PTPRU: variants seen among roughly 807,000 people sequenced by gnomAD.
The protein encoded by PTPRU is receptor-type tyrosine-protein phosphatase U.
PTPRU carries 69 observed loss-of-function variants against 166.3 expected under a neutral mutation model. The ratio of observed to expected loss-of-function variants is 0.41; its 90% CI spans 0.34 to 0.51. PTPRU has a LOEUF of 0.51. Among genes scored for constraint, PTPRU ranks in the 20% least tolerant of loss-of-function variants. The pLI is 0.09. For missense variants in PTPRU, 1,657 were observed against 2,013.7 expected (o/e 0.82, Z 3.39); for synonymous variants, 793 against 814.0 (o/e 0.97, Z 0.44).
chr1:29,239,074 A>G (rs1199599867), intron 1 of PTPRU, among the ~76,000 whole-genome samples: 2 of 152,198 alleles, frequency 1.3e-5, no homozygotes, highest in African/African-American at 4.8e-5. Flanking sequence ...AAGCTGGGGT[A>G]TTAGGTGTCA....
chr1:29,290,458 T>A (rs531276492), intron 14 of PTPRU, among the ~76,000 whole-genome samples: 1 of 152,356 alleles, frequency 6.6e-6, no homozygotes, highest in South Asian at 2.1e-4. Context: ...CTGCCGATGC[T>A]ACTCTGTCTT....
At chr1:29,309,816 G>T (rs1461949325) in intron 18 of PTPRU, among the ~76,000 whole-genome samples, 1 of 152,230 alleles carries the variant, frequency 6.6e-6, no homozygotes, top group African/African-American at 2.4e-5. Flanking sequence ...TCACGAGACC[G>T]GAGGAGTTGC....
Position 29,258,572 on chromosome 1 carries a change from C to T in PTPRU, c.273C>T (p.Ser91=). The change falls in exon 3 of 30, where the codon AGC becomes AGT. Residue 91 remains serine (S), a synonymous_variant. Transcript: ENST00000373779. ...PGQRAHVIFQ[S]LSENDTHCVQ... is the part of the protein sequence containing the mutation. ...AGCGAGCCCATGTCATCTTCCAGAGCCTGAGCGAGAATGATACCCACTGTG... is the reference window on the plus strand; with the variant it reads ...AGCGAGCCCATGTCATCTTCCAGAGTCTGAGCGAGAATGATACCCACTGTG... 2.5e-6 allele frequency: 4 copies of T among 1,614,274 alleles called. No homozygotes were observed. The highest frequency in any genetic ancestry group is 3.4e-6 in the Non-Finnish European group (4 of 1,180,050).
chr1:29,287,020 G>C (rs534375971), intron 14 of PTPRU, among the ~76,000 whole-genome samples: 3 of 152,150 alleles, frequency 2.0e-5, no homozygotes, highest in Non-Finnish European at 4.4e-5. Flanking sequence ...GGATGCAGCA[G>C]CCCTGGCAGG....
chr1:29,324,195 C>A (rs568773761), intron 28 of PTPRU, among the ~76,000 whole-genome samples: 2 of 152,346 alleles, frequency 1.3e-5, no homozygotes, highest in South Asian at 4.1e-4. Context: ...CATCTGCATG[C>A]CCCATTCATA....
intron 2 of PTPRU, among the ~76,000 whole-genome samples, chr1:29,255,824 T>G (rs1684752577): frequency 6.6e-6 from 1 of 152,208 alleles, no homozygotes; most frequent in African/African-American, 2.4e-5. Context: ...GGACTAGATG[T>G]GTATAAAACC....
At chr1:29,242,338 C>T (rs4654397) in intron 1 of PTPRU, among the ~76,000 whole-genome samples, 101,878 of 151,962 alleles carry the variant, frequency 0.67, 36,069 homozygotes, top group Non-Finnish European at 0.79. Context: ...CTGGTAGCCC[C>T]TTCCCTGGGA....
At chr1:29,277,996 T>G (rs1685895302) in intron 8 of PTPRU, among the ~76,000 whole-genome samples, 1 of 151,778 alleles carries the variant, frequency 6.6e-6, no homozygotes, top group South Asian at 2.1e-4. Flanking sequence ...TTTTTGTATT[T>G]TTGGTAGAGA....
Position 29,315,633 on chromosome 1 carries a change from C to T in PTPRU, c.3363+126C>T. 1 of 1,397,708 alleles carries T rather than the reference C, an allele frequency of 7.2e-7. No homozygotes were observed. The highest frequency in any genetic ancestry group is 9.9e-7 in the Non-Finnish European group (1 of 1,012,676). The allele number at this position is 1,397,708 out of a possible 1,614,324, so 86.6% of individuals were successfully genotyped here. On this transcript the variant is annotated intron_variant, in intron 23 of 29. Transcript: ENST00000373779. The surrounding 1 kb of genome is among the most constrained non-coding windows in gnomAD (Gnocchi z 4.5). ...AGGCTCTTGCCTTCCCTCAGATCAT[C>T]CCTGACCTTGGGCCGCCAACTGCAT...
At chr1:29,272,621 T>C (rs1253647919) in intron 7 of PTPRU, among the ~76,000 whole-genome samples, 2 of 151,926 alleles carry the variant, frequency 1.3e-5, no homozygotes, top group Non-Finnish European at 1.5e-5. Context: ...AAAATGCCAC[T>C]AGGGGCTGGG....
chr1:29,292,753 C>T (rs1686697456), intron 15 of PTPRU, among the ~76,000 whole-genome samples: 1 of 151,926 alleles, frequency 6.6e-6, no homozygotes, highest in Non-Finnish European at 1.5e-5. Context: ...TATCTTGGTA[C>T]ACCTCCCTGG....
chr1:29,311,342 G>T lies in PTPRU; in HGVS notation c.2858-114G>T. Reference sequence around the variant, plus strand: ...GTGTTGTGGGCAGCATGAAGCCCCCGTTGGGGCTCAGGAGGCCTCCTGGCC... The same window carrying T: ...GTGTTGTGGGCAGCATGAAGCCCCCTTTGGGGCTCAGGAGGCCTCCTGGCC... On this transcript the variant is annotated intron_variant, in intron 19 of 29. Coordinates refer to ENST00000373779, the MANE Select transcript of PTPRU (RefSeq NM_133178.4). This position sits in a 1 kb window ranked among gnomAD's most constrained non-coding sequence, Gnocchi z 4.1. 3 of 968,304 alleles carry T rather than the reference G, an allele frequency of 3.1e-6. No individual in the cohort carries two copies. The highest frequency in any genetic ancestry group is 4.7e-6 in the Non-Finnish European group (3 of 638,148). The allele number at this position is 968,304 out of a possible 1,614,324, so 60.0% of individuals were successfully genotyped here. A position where few individuals can be genotyped will look rare whatever the true frequency, so the allele number is the denominator to read the frequency against.
chr1:29,278,179 G>A (rs1219881154), intron 8 of PTPRU, among the ~76,000 whole-genome samples: 1 of 152,026 alleles, frequency 6.6e-6, no homozygotes, highest in Non-Finnish European at 1.5e-5. Flanking sequence ...CCTTTCCCTG[G>A]GTTCCTACAG....
At chr1:29,268,294 G>T (rs551393294) in intron 7 of PTPRU, among the ~76,000 whole-genome samples, 1 of 152,308 alleles carries the variant, frequency 6.6e-6, no homozygotes, top group Admixed American at 6.5e-5. Flanking sequence ...CCCTGAGGTT[G>T]GATGAGATCT....
At position 29,303,873 on chromosome 1, in the gene PTPRU, G is replaced by A; in HGVS notation, c.2495G>A (p.Gly832Glu). ...YSTRGDQRSG[G>E]VTEASSLLGG... The stretch of plus-strand genomic sequence containing the variant: ...ACTGCAGGAGACCAGCGCAGCGGTG[G>A]GGTCACTGAGGCCAGCAGCCTCCTG... The change falls in exon 16 of 30, where the codon GGG becomes GAG. Residue 832 changes from glycine to glutamate, a missense_variant. This residue lies in a region of PTPRU where 1,190 missense variants were observed against 1,477.4 expected (regional missense o/e 0.81). Coordinates refer to ENST00000373779, the MANE Select transcript of PTPRU (RefSeq NM_133178.4). 1.2e-6 allele frequency: 2 copies of A among 1,611,444 alleles called. No homozygotes were observed. Among genetic ancestry groups the A allele is most frequent in the Admixed American group, 1.7e-5 (1 of 59,918 alleles).
intron 18 of PTPRU, 96 bp from the exon 19 acceptor site, chr1:29,310,648 T>G: frequency 2.3e-6 from 3 of 1,303,018 alleles, no homozygotes; most frequent in Non-Finnish European, 3.3e-6. Flanking sequence ...CCTGGTGGGG[T>G]AGGGGTTCTG....
In PTPRU at chr1:29,325,197, G is replaced by C. The variant is rs1688352111; in HGVS notation, c.4119G>C (p.Gly1373=). The part of the protein sequence containing the change: ...DGRTIVHCLN[G]GGRSGTFCAC... ...TTTTGCATCTCTCATTCAGAAACGG[G>C]GGAGGACGCAGCGGCACCTTCTGCG... Residue 1373 remains glycine, a synonymous_variant, in exon 29 of 30, where the codon GGG becomes GGC. Transcript: ENST00000373779. 6.2e-7 allele frequency: 1 copy of C among 1,614,244 alleles called. No individual in the cohort carries two copies. Among genetic ancestry groups the C allele is most frequent in the Non-Finnish European group, 8.5e-7 (1 of 1,180,048 alleles).
chr1:29,296,911 A>G (rs1030295291), intron 15 of PTPRU, among the ~76,000 whole-genome samples: 3 of 151,832 alleles, frequency 2.0e-5, no homozygotes, highest in Non-Finnish European at 4.4e-5. Flanking sequence ...TATATTTTTG[A>G]TAAGTTATAT....
chr1:29,284,356 C>T (rs1686243138), intron 13 of PTPRU, among the ~76,000 whole-genome samples: 1 of 152,118 alleles, frequency 6.6e-6, no homozygotes, highest in Non-Finnish European at 1.5e-5. Context: ...GTTGGTTTCC[C>T]ATCCTGAGAT....
Sources: allele counts gnomAD v4.1 joint callset (sites outside exome capture counted in the v4.1 genomes callset), GRCh38; gene constraint gnomAD v4.1.1; regional missense constraint gnomAD v4.1.1; non-coding constraint Gnocchi (gnomAD v3.1); transcripts MANE v1.5; gene names NCBI Gene and HGNC (gene_info 2026-07-23, HGNC 2026-07-21).